The following IVD variants were observed in gnomAD, a reference collection of about 807,000 sequenced individuals.
The protein encoded by IVD is isovaleryl-CoA dehydrogenase, mitochondrial.
Under a neutral mutation model 51.3 loss-of-function variants are expected in IVD, and 31 were observed. The observed-to-expected ratio is 0.60, with a 90% CI of 0.45 to 0.81. The LOEUF (loss-of-function observed/expected upper bound fraction) is 0.81. IVD is among the 40% of genes least tolerant of loss of function. IVD has a pLI of 0.00. For synonymous variants in IVD, 205 were observed against 219.4 expected, an observed-to-expected ratio of 0.93 and a Z score of 0.58; for missense variants, 475 against 552.0, an observed-to-expected ratio of 0.86 and a Z score of 1.40.
chr15:40,434,661 C>T (rs140814816), intron 8 of IVD, among the ~76,000 whole-genome samples: 30 of 152,328 alleles, frequency 2.0e-4, no homozygotes, highest in African/African-American at 7.2e-4. Flanking sequence ...AGAGTTTCAC[C>T]TGAGCTTCGG....
chr15:40,435,493 C>CA lies in IVD; in HGVS notation c.858dup (p.Thr287AsnfsTer13), dbSNP rs780159403. On this transcript the variant is annotated frameshift_variant, in exon 9 of 9. Transcript: ENST00000473112. LOFTEE classifies it low-confidence loss of function (END_TRUNC). ...GTCAGACGTCCCTGGAGCAGGTGAG[C>CA]ACTGCGAGGGAACTGAGATGCAAGA... is the stretch of plus-strand genomic sequence containing the variant. 15 of 1,256,574 alleles carry CA rather than the reference C, an allele frequency of 1.2e-5. No homozygotes were observed. In the South Asian group the frequency reaches 1.8e-4, roughly 15 times the overall value. 77.8% of individuals were successfully genotyped at this position (1,256,574 alleles called of 1,614,324 possible). A position where few individuals can be genotyped will look rare whatever the true frequency, so the allele number is the denominator to read the frequency against.
intron 8 of IVD, 63 bp downstream of exon 8, chr15:40,415,045 T>C: frequency 1.9e-6 from 3 of 1,588,068 alleles, no homozygotes; most frequent in South Asian, 1.1e-5. Context: ...TGACCCACCA[T>C]GAGCAGCAGC....
chr15:40,406,342 C>T, intron 1 of IVD: 1 of 1,337,034 alleles, frequency 7.5e-7, no homozygotes, highest in Non-Finnish European at 9.8e-7. Flanking sequence ...TACACCTGAA[C>T]AGGCTGAGGT....
At chr15:40,434,248 G>A (rs1893144202) in intron 8 of IVD, among the ~76,000 whole-genome samples, 1 of 152,136 alleles carries the variant, frequency 6.6e-6, no homozygotes, top group Admixed American at 6.5e-5. Flanking sequence ...TTTTTATTTT[G>A]AATCTCCAAA....
chr15:40,419,295 G>C lies in IVD; in HGVS notation c.*1032G>C. The stretch of plus-strand genomic sequence containing the variant: ...GGAGGCCAAGGCAGGTGGATCACTT[G>C]CAGTCAGGAGTTCAAGACCAGCCTG... On this transcript the variant is annotated 3_prime_UTR_variant, in exon 12 of 12. Transcript: ENST00000487418. The C allele has an allele frequency of 8.5e-7, 1 of 1,171,332 alleles. No homozygotes were observed. 72.6% of individuals were successfully genotyped at this position (1,171,332 alleles called of 1,614,324 possible).
chr15:40,418,127 C>G lies in IVD; in HGVS notation c.1139-3C>G, dbSNP rs367891946. ...TTCTTCTCTGCCCAAACCCTGGTTG[C>G]AGGTGGCAATGGCTACATCAATGAC... On this transcript the variant is annotated splice_region_variant and splice_polypyrimidine_tract_variant and intron_variant, in intron 11 of 11. Coordinates refer to ENST00000487418, the MANE Select transcript of IVD (RefSeq NM_002225.5). 1 of 1,614,096 alleles carries G rather than the reference C, an allele frequency of 6.2e-7. No individual in the cohort carries two copies. The highest frequency in any genetic ancestry group is 1.3e-5 in the African/African-American group (1 of 75,034).
intron 8 of IVD, among the ~76,000 whole-genome samples, chr15:40,434,605 CAT>C (rs772717416): frequency 4.6e-5 from 7 of 152,172 alleles, no homozygotes; most frequent in Non-Finnish European, 1.0e-4. Context: ...ACTTGGAGTG[CAT>C]AGAGTTCAGG....
intron 11 of IVD, 30 bp downstream of exon 11, chr15:40,416,392 G>C (rs1156246577): frequency 2.5e-6 from 4 of 1,602,780 alleles, no homozygotes; most frequent in South Asian, 1.1e-5. Flanking sequence ...CAGTCCCGGG[G>C]CTCCCTCACT....
At chr15:40,425,432 G>T (rs1892611084), downstream of IVD, among the ~76,000 whole-genome samples, 1 of 101,576 alleles carries the variant, frequency 9.8e-6, no homozygotes, top group Non-Finnish European at 1.9e-5. Context: ...TCTATAGCTG[G>T]ACTCATACTA....
At chr15:40,406,337 C>T in intron 1 of IVD, 1 of 1,339,884 alleles carries the variant, frequency 7.5e-7, no homozygotes, top group Non-Finnish European at 9.8e-7. Context: ...TCACTTACAC[C>T]TGAACAGGCT....
downstream of IVD, among the ~76,000 whole-genome samples, chr15:40,424,895 G>A (rs1440961809): frequency 6.6e-6 from 1 of 152,218 alleles, no homozygotes; most frequent in African/African-American, 2.4e-5. Context: ...GAAATGACAG[G>A]TGGGCCAGAG....
chr15:40,423,790 G>A (rs1007428798), downstream of IVD, among the ~76,000 whole-genome samples: 1 of 152,212 alleles, frequency 6.6e-6, no homozygotes. Context: ...GCATACATTT[G>A]ATTTATGAGA....
intron 7 of IVD, among the ~76,000 whole-genome samples, chr15:40,429,589 C>T (rs1462450996): frequency 6.6e-6 from 1 of 152,218 alleles, no homozygotes; most frequent in East Asian, 1.9e-4. Context: ...CAAATAAATA[C>T]TTGCATAATG....
downstream of IVD, among the ~76,000 whole-genome samples, chr15:40,425,440 C>CTATATATATATATATATATA (rs72252183): frequency 4.5e-4 from 62 of 137,838 alleles, 1 homozygote; most frequent in African/African-American, 1.8e-3. Context: ...TGGACTCATA[C>CTATATATATATATATATATA]TATATATATA....
chr15:40,411,481 C>G (rs1891078101), intron 5 of IVD, 74 bp from the exon 6 acceptor site: 2 of 1,607,468 alleles, frequency 1.2e-6, no homozygotes, highest in African/African-American at 2.7e-5. Flanking sequence ...CAGCTTCTTG[C>G]TCAGCAGAAG....
At position 40,420,381 on chromosome 15, in the gene IVD, A is replaced by G. The variant is rs1399420428; in HGVS notation, c.*2118A>G. On this transcript the variant is annotated 3_prime_UTR_variant, in exon 12 of 12. Transcript: ENST00000487418. The stretch of plus-strand genomic sequence containing the variant: ...CTGTGTACATTTCTCCAGATACCCT[A>G]TGGCTAATTTTGTTATAACTGCACA... The G allele has an allele frequency of 1.0e-5, 10 of 987,526 alleles. No individual in the cohort carries two copies. Among genetic ancestry groups the G allele is most frequent in the Non-Finnish European group, 1.2e-5 (10 of 830,130 alleles). 61.2% of individuals were successfully genotyped at this position (987,526 alleles called of 1,614,324 possible).
At chr15:40,410,589 G>C in intron 3 of IVD, 39 bp from the exon 4 acceptor site, 3 of 1,611,860 alleles carry the variant, frequency 1.9e-6, no homozygotes, top group Non-Finnish European at 2.5e-6. Context: ...ATTTAATCTG[G>C]GCTGCGTTTT....
downstream of IVD, among the ~76,000 whole-genome samples, chr15:40,425,266 A>G (rs995893750): frequency 1.1e-4 from 16 of 152,166 alleles, no homozygotes; most frequent in Admixed American, 2.0e-4. Flanking sequence ...CAATGAAGAC[A>G]GTATTCCAAG....
chr15:40,421,123 CTA>C lies in IVD; in HGVS notation c.*2861_*2862del. The C allele has an allele frequency of 1.0e-6, 1 of 985,496 alleles. No homozygotes were observed. The highest frequency in any genetic ancestry group is 1.2e-6 in the Non-Finnish European group (1 of 829,976). 61.0% of individuals were successfully genotyped at this position (985,496 alleles called of 1,614,324 possible). On this transcript the variant is annotated 3_prime_UTR_variant, in exon 12 of 12. Coordinates refer to ENST00000487418, the MANE Select transcript of IVD (RefSeq NM_002225.5). ...CCTGCTATGTTGGAGATGAATGTGA[CTA>C]AAAGGGCCATCTTGCTGGCTTAATG...
Sources: gnomAD v4.1 joint callset for allele counts (sites outside exome capture counted in the v4.1 genomes callset) on GRCh38, gnomAD v4.1.1 for gene constraint, MANE v1.5 for transcripts, NCBI Gene and HGNC (gene_info 2026-07-23, HGNC 2026-07-21) for gene names.